Variants in ACOT11 observed in about 807,000 individuals in gnomAD.
The protein encoded by ACOT11 is acyl-CoA thioesterase 11.
In ACOT11, 69 loss-of-function variants were observed where a neutral mutation model predicts 77.5. That is an observed-to-expected ratio of 0.89 (90% CI 0.73 to 1.09). The LOEUF is 1.09. Ranked by LOEUF, ACOT11 falls within the 50% of genes least tolerant of loss-of-function variation. The pLI, the probability that ACOT11 is intolerant of heterozygous loss-of-function variation, is 0.00. For synonymous variants in ACOT11, 279 were observed against 313.0 expected, an observed-to-expected ratio of 0.89 and a Z score of 1.15; for missense variants, 766 against 813.7, an observed-to-expected ratio of 0.94 and a Z score of 0.71.
chr1:54,623,273 C>G, intron 15 of ACOT11: 1 of 1,610,712 alleles, frequency 6.2e-7, no homozygotes, highest in African/African-American at 1.3e-5. Flanking sequence ...GGGGGAGGCA[C>G]CTACCTGGCC....
rs144498514 is a variant in ACOT11 at position 54,624,883 on chromosome 1, G to A, written c.1630-5851G>A. Among the ~76,000 whole-genome samples the A allele has an allele frequency of 1.4e-3, 206 of 152,104 alleles. 1 individual carries two copies. Among genetic ancestry groups the A allele is most frequent in the Non-Finnish European group, 2.6e-3 (179 of 67,986 alleles). On this transcript the variant is annotated intron_variant, in intron 15 of 16. Transcript: ENST00000371316. ...AGCAGGAGGACCTGGTGCTCAGGGG[G>A]TGCTATTCTGTAGGATGTGGGGAAC...
intron 16 of ACOT11, among the ~76,000 whole-genome samples, chr1:54,631,467 A>C (rs1644299489): frequency 6.6e-6 from 1 of 152,144 alleles, no homozygotes. Flanking sequence ...CTCTTACTTG[A>C]GCTTGTGTAA....
In ACOT11 at chr1:54,594,639, T is replaced by C; in HGVS notation, c.555T>C (p.Leu185=). 4 of 1,614,156 alleles carry C rather than the reference T, an allele frequency of 2.5e-6. No homozygotes were observed. The highest frequency in any genetic ancestry group is 2.5e-6 in the Non-Finnish European group (3 of 1,179,996). Residue 185 remains leucine, a synonymous_variant, in exon 6 of 16, where the codon CTT becomes CTC. Coordinates refer to ENST00000343744, the MANE Select transcript of ACOT11 (RefSeq NM_147161.4). ...CGGCTGAGCGCCGGCGCATGCGCCT[T>C]GTCTATGCAGACACCATCAAGGACC... ...SVAAERRRMR[L]VYADTIKDLL...
intron 15 of ACOT11, chr1:54,621,544 T>G (rs1177782353): frequency 6.6e-6 from 1 of 152,208 alleles, no homozygotes; most frequent in East Asian, 1.9e-4. Flanking sequence ...CCTCGAACTT[T>G]AGCAAAGGAG....
intron 1 of ACOT11, among the ~76,000 whole-genome samples, chr1:54,556,093 T>G (rs12135305): frequency 4.6e-5 from 7 of 152,302 alleles, no homozygotes; most frequent in African/African-American, 1.7e-4. Flanking sequence ...TTCATTTTTC[T>G]ACATGTGGGT....
intron 3 of ACOT11, among the ~76,000 whole-genome samples, chr1:54,589,810 C>T (rs1369533816): frequency 2.6e-5 from 4 of 152,102 alleles, no homozygotes; most frequent in African/African-American, 9.7e-5. Flanking sequence ...TTATTCAAGT[C>T]AGGATGCAAA....
intron 1 of ACOT11, among the ~76,000 whole-genome samples, chr1:54,565,522 G>C (rs1333460238): frequency 6.6e-6 from 1 of 152,166 alleles, no homozygotes; most frequent in African/African-American, 2.4e-5. Flanking sequence ...TACTGGCCAG[G>C]AGTGCATGGG....
At chr1:54,593,905 G>T (rs1654802535) in intron 4 of ACOT11, 36 bp from the exon 5 acceptor site, 1 of 1,582,332 alleles carries the variant, frequency 6.3e-7, no homozygotes, top group South Asian at 1.1e-5. Flanking sequence ...GTGCAATGTT[G>T]TTCCTCATTC....
intron 3 of ACOT11, among the ~76,000 whole-genome samples, chr1:54,590,263 A>G (rs1654660501): frequency 6.6e-6 from 1 of 151,852 alleles, no homozygotes; most frequent in African/African-American, 2.4e-5. Context: ...TGCAATTAAC[A>G]TGTTCCTCTG....
intron 10 of ACOT11, 68 bp downstream of exon 10, chr1:54,602,792 C>T: frequency 7.0e-7 from 1 of 1,420,770 alleles, no homozygotes; most frequent in Non-Finnish European, 9.3e-7. Flanking sequence ...GACCCCAGGG[C>T]ACTCGCTTTT....
chr1:54,561,085 T>A (rs868093359), intron 1 of ACOT11, among the ~76,000 whole-genome samples: 1 of 47,418 alleles, frequency 2.1e-5, no homozygotes, highest in Non-Finnish European at 5.3e-5. Flanking sequence ...ATTTTTTATT[T>A]TTTTTATTTT....
intron 1 of ACOT11, among the ~76,000 whole-genome samples, chr1:54,578,936 G>A (rs899946533): frequency 6.6e-6 from 1 of 151,938 alleles, no homozygotes; most frequent in Non-Finnish European, 1.5e-5. Context: ...TTCACCAAAT[G>A]AATACATATA....
At chr1:54,601,548 C>A (rs2101000203) in intron 9 of ACOT11, 135 bp downstream of exon 9, 4 of 1,335,506 alleles carry the variant, frequency 3.0e-6, no homozygotes, top group East Asian at 5.0e-5. Context: ...TGGGGCACAG[C>A]CAGCTGAGTG....
At chr1:54,617,302 A>G (rs770069181) in intron 15 of ACOT11, among the ~76,000 whole-genome samples, 40 of 152,122 alleles carry the variant, frequency 2.6e-4, no homozygotes, top group Non-Finnish European at 4.7e-4. Flanking sequence ...CCCTTGCAGC[A>G]TCACAAACGA....
rs759632913 is a variant in ACOT11, at chr1:54,594,568, C to T, written c.484C>T (p.Gln162Ter). 6.8e-6 allele frequency: 11 copies of T among 1,613,410 alleles called. No individual in the cohort carries two copies. Among genetic ancestry groups the T allele is most frequent in the Middle Eastern group, 1.6e-4 (1 of 6,062 alleles). Reference sequence around the variant, plus strand: ...CCCTGGCCGACAGGTGAAGCTGAAGCAGATCACGCCGCGGACAGAAGAGGA... The same window carrying T: ...CCCTGGCCGACAGGTGAAGCTGAAGTAGATCACGCCGCGGACAGAAGAGGA... Reference protein sequence around the residue: ...RREITKVKLKQITPRTEEEKM... With the variant: ...RREITKVKLK The change falls in exon 6 of 16, where the codon CAG becomes TAG. Residue 162 changes from glutamine to a stop codon, truncating the protein, a stop_gained. Transcript: ENST00000343744. LOFTEE classifies it high-confidence loss of function.
intron 1 of ACOT11, among the ~76,000 whole-genome samples, chr1:54,569,159 G>T (rs1411333747): frequency 2.7e-5 from 4 of 148,104 alleles, no homozygotes; most frequent in African/African-American, 1.0e-4. Context: ...ATGGGATCTT[G>T]CTCTCTTGCC....
intron 3 of ACOT11, among the ~76,000 whole-genome samples, chr1:54,590,087 CAA>C (rs754768157): frequency 8.2e-6 from 1 of 122,608 alleles, no homozygotes; most frequent in Non-Finnish European, 1.8e-5. Flanking sequence ...GACTCTGTCT[CAA>C]AAAAAAAAAA....
intron 15 of ACOT11, among the ~76,000 whole-genome samples, chr1:54,625,955 A>G (rs1569812292): frequency 8.3e-6 from 1 of 120,398 alleles, no homozygotes. Flanking sequence ...AAAAAAAAAG[A>G]AAGAAAGAAA....
chr1:54,550,740 G>A (rs1401821162), intron 1 of ACOT11, among the ~76,000 whole-genome samples: 1 of 151,556 alleles, frequency 6.6e-6, no homozygotes, highest in African/African-American at 2.4e-5. Context: ...GATCACTTGA[G>A]CCTGCCTGGG....
Sources: gnomAD v4.1 joint callset for allele counts (sites outside exome capture counted in the v4.1 genomes callset) on GRCh38, gnomAD v4.1.1 for gene constraint, MANE v1.5 for transcripts, NCBI Gene and HGNC (gene_info 2026-07-23, HGNC 2026-07-21) for gene names.